The following SLC24A2 variants were observed in gnomAD, a reference collection of about 807,000 sequenced individuals.
SLC24A2 encodes solute carrier family 24 member 2.
In SLC24A2, 36 loss-of-function variants were observed where a neutral mutation model predicts 62.0. The observed-to-expected ratio is 0.58, with a 90% CI of 0.44 to 0.77. The LOEUF is 0.77. SLC24A2 is among the 30% of genes least tolerant of loss of function. The probability of loss-of-function intolerance (pLI) is 0.00; values close to 1 mark genes in which losing one functional copy is unlikely to be tolerated. For synonymous variants in SLC24A2, 358 were observed against 294.0 expected (o/e 1.22, Z -2.23); for missense variants, 846 against 817.9 (o/e 1.03, Z -0.42).
chr9:20,088,936 G>C, the SLC24A2 span, among the ~76,000 whole-genome samples: 1 of 152,272 alleles, frequency 6.6e-6, no homozygotes, highest in Non-Finnish European at 1.5e-5. Flanking sequence ...ACTAGGGACT[G>C]GAATAGACTC....
At chr9:19,753,325 G>T (rs1006813367) in intron 2 of SLC24A2, among the ~76,000 whole-genome samples, 16 of 152,200 alleles carry the variant, frequency 1.1e-4, no homozygotes, top group African/African-American at 3.6e-4. Context: ...GATTTTATCT[G>T]TGTTGACAAT....
chr9:19,594,220 G>A (rs896492864), intron 5 of SLC24A2, among the ~76,000 whole-genome samples: 10 of 151,928 alleles, frequency 6.6e-5, no homozygotes, highest in Admixed American at 2.6e-4. Context: ...TCTTCCTGGT[G>A]TCTCAGTGAT....
At chr9:19,810,794 A>G in the SLC24A2 span, among the ~76,000 whole-genome samples, 3 of 151,986 alleles carry the variant, frequency 2.0e-5, no homozygotes, top group Non-Finnish European at 2.9e-5. Flanking sequence ...ATTGAGGATA[A>G]TCTTAAAAAA....
chr9:19,647,073 C>T (rs1340588157), intron 2 of SLC24A2, among the ~76,000 whole-genome samples: 1 of 106,266 alleles, frequency 9.4e-6, no homozygotes, highest in Admixed American at 9.5e-5. Context: ...CGCGCGCACA[C>T]ACACACACAC....
chr9:20,168,701 A>G, the SLC24A2 span, among the ~76,000 whole-genome samples: 107 of 152,050 alleles, frequency 7.0e-4, no homozygotes, highest in Non-Finnish European at 1.3e-3. Context: ...AAAAGGTAAA[A>G]TAACAAGTGC....
At chr9:19,967,272 A>G in the SLC24A2 span, 18 of 152,290 alleles carry the variant, frequency 1.2e-4, no homozygotes, top group East Asian at 3.5e-3. Flanking sequence ...TATTTTCTTT[A>G]ACTTTCATAA....
chr9:20,030,350 A>T, the SLC24A2 span, among the ~76,000 whole-genome samples: 3 of 152,250 alleles, frequency 2.0e-5, no homozygotes, highest in Admixed American at 6.5e-5. Context: ...TAAAGGGTAT[A>T]CTGAAGGGGA....
At chr9:19,940,476 A>C in the SLC24A2 span, among the ~76,000 whole-genome samples, 1 of 152,158 alleles carries the variant, frequency 6.6e-6, no homozygotes, top group Non-Finnish European at 1.5e-5. Flanking sequence ...TTGAGTGTCA[A>C]CTTCCTCGTG....
At position 19,508,947 on chromosome 9, in the gene SLC24A2, C is replaced by T. The variant is rs1380551865; in HGVS notation, c.*7206G>A. ...GAGAGGAGGAAAATAACCACCAAAGCATTATGAAATCTGCTGCTTTACATG... is the reference window on the plus strand; with the variant it reads ...GAGAGGAGGAAAATAACCACCAAAGTATTATGAAATCTGCTGCTTTACATG... On this transcript the variant is annotated 3_prime_UTR_variant, in exon 11 of 11. Transcript: ENST00000341998. The T allele has an allele frequency of 1.3e-5, 2 of 152,130 alleles. No individual in the cohort carries two copies. Among genetic ancestry groups the T allele is most frequent in the South Asian group, 2.1e-4 (1 of 4,820 alleles). 9.4% of individuals were successfully genotyped at this position (152,130 alleles called of 1,614,324 possible).
the SLC24A2 span, among the ~76,000 whole-genome samples, chr9:20,161,005 A>T: frequency 6.6e-6 from 1 of 151,352 alleles, no homozygotes; most frequent in African/African-American, 2.4e-5. Flanking sequence ...AATTTAATTT[A>T]AAAAATGAGA....
chr9:19,894,131 G>T, the SLC24A2 span, among the ~76,000 whole-genome samples: 1 of 152,188 alleles, frequency 6.6e-6, no homozygotes, highest in African/African-American at 2.4e-5. Flanking sequence ...AGGGGAAAAG[G>T]GATGTTGAAA....
At chr9:19,619,448 G>T in intron 4 of SLC24A2, 136 bp downstream of exon 4, 1 of 784,522 alleles carries the variant, frequency 1.3e-6, no homozygotes. Context: ...AAGGGCCAGG[G>T]CTGCTTCTGG....
the SLC24A2 span, among the ~76,000 whole-genome samples, chr9:20,276,849 T>G: frequency 6.6e-6 from 1 of 152,232 alleles, no homozygotes; most frequent in African/African-American, 2.4e-5. Context: ...TCTGAAGCAA[T>G]GGCCTGAGCT....
At chr9:19,753,224 A>T (rs1822037793) in intron 2 of SLC24A2, among the ~76,000 whole-genome samples, 1 of 152,132 alleles carries the variant, frequency 6.6e-6, no homozygotes, top group Admixed American at 6.5e-5. Flanking sequence ...CAGCAGAATC[A>T]TTTCTCATCT....
At chr9:19,990,616 CAA>C in the SLC24A2 span, among the ~76,000 whole-genome samples, 18 of 45,138 alleles carry the variant, frequency 4.0e-4, no homozygotes, top group African/African-American at 1.5e-3. Context: ...CCTAAAAAAA[CAA>C]AAAAAAAAAA....
At chr9:19,554,495 A>T (rs1834987520) in intron 7 of SLC24A2, among the ~76,000 whole-genome samples, 1 of 152,220 alleles carries the variant, frequency 6.6e-6, no homozygotes, top group Non-Finnish European at 1.5e-5. Context: ...TCTTGGAACC[A>T]GTCCCCCACG....
intron 2 of SLC24A2, among the ~76,000 whole-genome samples, chr9:19,688,478 C>G (rs1057492996): frequency 2.6e-5 from 4 of 151,980 alleles, no homozygotes; most frequent in Non-Finnish European, 5.9e-5. Flanking sequence ...CAAGTAGTCA[C>G]TGGGGTATAC....
chr9:19,589,255 A>G (rs1198285794), intron 5 of SLC24A2, among the ~76,000 whole-genome samples: 2 of 152,238 alleles, frequency 1.3e-5, no homozygotes, highest in Non-Finnish European at 2.9e-5. Flanking sequence ...TGAACCAACC[A>G]TGGAACAGCC....
rs138679031 is a variant in SLC24A2, at chr9:19,699,914, A to G, written c.931-77615T>C. On this transcript the variant is annotated intron_variant, in intron 2 of 10. Coordinates refer to ENST00000341998, the MANE Select transcript of SLC24A2 (RefSeq NM_020344.4). ...TGACTCAGCCCCTTCTGGTTAGGAC[A>G]CACGGGTGCACTAGAGAGGTCCTGA... Among the ~76,000 whole-genome samples the G allele has an allele frequency of 3.8e-4, 58 of 152,288 alleles. 1 individual carries two copies. The highest frequency in any genetic ancestry group is 1.4e-3 in the African/African-American group (57 of 41,564).
Sources: allele counts gnomAD v4.1 joint callset (sites outside exome capture counted in the v4.1 genomes callset), GRCh38; gene constraint gnomAD v4.1.1; transcripts MANE v1.5; gene names NCBI Gene and HGNC (gene_info 2026-07-23, HGNC 2026-07-21).